Variants in MADD observed in about 807,000 individuals in gnomAD.
MADD encodes the protein MAP kinase-activating death domain protein.
In MADD, 109 loss-of-function variants were observed where a neutral mutation model predicts 176.7. The observed-to-expected ratio is 0.62, with a 90% CI of 0.53 to 0.72. MADD has a LOEUF of 0.72. Ranked by LOEUF, MADD falls within the 30% of genes least tolerant of loss-of-function variation. The pLI is 0.00. For synonymous variants in MADD, 771 were observed against 771.3 expected, an observed-to-expected ratio of 1.00 and a Z score of 0.01; for missense variants, 1,914 against 2,045.5, an observed-to-expected ratio of 0.94 and a Z score of 1.24.
intron 8 of MADD, among the ~76,000 whole-genome samples, chr11:47,281,998 C>G (rs1269438290): frequency 6.6e-6 from 1 of 151,878 alleles, no homozygotes; most frequent in African/African-American, 2.4e-5. Context: ...CCACGCCTGG[C>G]TAATTTTTAC....
In MADD at chr11:47,284,931, C is replaced by A. The variant is rs377090216; in HGVS notation, c.2158-10C>A. On this transcript the variant is annotated splice_polypyrimidine_tract_variant and intron_variant, in intron 12 of 32. Transcript: ENST00000402192. ...CCAGGTAACCACTTTTAATTTCATGCGGCCTTTAGGAACCTGCTGACTCTA... is the reference window on the plus strand; with the variant it reads ...CCAGGTAACCACTTTTAATTTCATGAGGCCTTTAGGAACCTGCTGACTCTA... 5 of 1,612,842 alleles carry A rather than the reference C, an allele frequency of 3.1e-6. No homozygotes were observed. The highest frequency in any genetic ancestry group is 3.3e-5 in the Admixed American group (2 of 59,966).
intron 1 of MADD, chr11:47,271,265 G>A (rs1327087589): frequency 2.0e-5 from 3 of 152,204 alleles, no homozygotes; most frequent in African/African-American, 2.4e-5. Flanking sequence ...TGATGTTAGA[G>A]GATTTAGTCT....
At chr11:47,281,819 TG>T in intron 8 of MADD, 66 bp downstream of exon 8, 1 of 1,193,542 alleles carries the variant, frequency 8.4e-7, no homozygotes, top group Non-Finnish European at 1.1e-6. Flanking sequence ...TAAGGGACCT[TG>T]GGGCAGACTA....
chr11:47,321,789 G>T (rs530518646), intron 27 of MADD, among the ~76,000 whole-genome samples: 1 of 152,054 alleles, frequency 6.6e-6, no homozygotes, highest in Admixed American at 6.6e-5. Context: ...GGAAGGAGTC[G>T]GGCATCAATT....
chr11:47,285,398 C>G, intron 13 of MADD, 53 bp from the exon 14 acceptor site: 1 of 1,610,764 alleles, frequency 6.2e-7, no homozygotes, highest in Non-Finnish European at 8.5e-7. Context: ...GGCCCATACT[C>G]CCAAGATCAG....
In MADD at chr11:47,306,396, A is replaced by G. The variant is rs1208694432; in HGVS notation, c.3643-2195A>G. 2.0e-5 allele frequency among the ~76,000 whole-genome samples: 3 copies of G among 152,230 alleles called. No individual in the cohort carries two copies. The East Asian group carries it at 5.8e-4, about 29-fold the overall frequency. ...CTCCACTTCCAAGATGGCATAGCAC[A>G]GTAGCTGCACAGGCCACAGGGGCTG... On this transcript the variant is annotated intron_variant, in intron 22 of 32. Transcript: ENST00000402192.
At chr11:47,310,329 C>G (rs1337397476) in intron 25 of MADD, among the ~76,000 whole-genome samples, 2 of 150,672 alleles carry the variant, frequency 1.3e-5, no homozygotes, top group Non-Finnish European at 3.0e-5. Flanking sequence ...TTACAGGCAT[C>G]TACCACCATG....
At chr11:47,281,697 T>A in exon 8 of MADD, 10 of 1,613,662 alleles carry the variant, frequency 6.2e-6, no homozygotes, top group Non-Finnish European at 8.5e-6. Flanking sequence ...CACCGTCCAC[T>A]GAATTCAACC....
At chr11:47,270,448 C>G (rs933932022) in intron 1 of MADD, among the ~76,000 whole-genome samples, 10 of 142,748 alleles carry the variant, frequency 7.0e-5, no homozygotes, top group Admixed American at 5.9e-4. Flanking sequence ...GGAGGGGGCT[C>G]AGGCTACTGG....
intron 27 of MADD, among the ~76,000 whole-genome samples, chr11:47,317,053 C>G (rs1314778348): frequency 2.0e-5 from 3 of 152,184 alleles, no homozygotes; most frequent in East Asian, 1.9e-4. Context: ...CTATTTTTCT[C>G]CTTTCTTTCA....
chr11:47,293,646 T>A (rs1274665332), intron 19 of MADD, among the ~76,000 whole-genome samples: 2 of 152,162 alleles, frequency 1.3e-5, no homozygotes, highest in African/African-American at 4.8e-5. Context: ...CAGAATTTTC[T>A]CAGGTTGAGA....
intron 20 of MADD, 84 bp downstream of exon 22, chr11:47,294,067 C>G: frequency 6.2e-6 from 7 of 1,124,002 alleles, no homozygotes; most frequent in Non-Finnish European, 9.2e-6. Context: ...AACAGTCAGA[C>G]AGCCGGGCAC....
At chr11:47,321,598 G>A (rs573837117) in intron 27 of MADD, among the ~76,000 whole-genome samples, 1 of 152,282 alleles carries the variant, frequency 6.6e-6, no homozygotes, top group Admixed American at 6.5e-5. Flanking sequence ...AAGCTCAGGG[G>A]GGGCAGAATA....
intron 15 of MADD, 87 bp from the exon 16 acceptor site, chr11:47,288,881 T>C: frequency 1.0e-6 from 1 of 979,174 alleles, no homozygotes. Context: ...GGGAGAATGC[T>C]CAGATTATCT....
chr11:47,285,313 C>G (rs750067504), intron 13 of MADD, 119 bp downstream of exon 13: 177 of 1,539,968 alleles, frequency 1.1e-4, no homozygotes, highest in Non-Finnish European at 1.5e-4. Flanking sequence ...CCTGCCATCC[C>G]CAGAGGATGG....
At chr11:47,293,612 TTC>T (rs2067392620) in intron 19 of MADD, among the ~76,000 whole-genome samples, 1 of 152,170 alleles carries the variant, frequency 6.6e-6, no homozygotes. Flanking sequence ...CTTGTGGAGC[TTC>T]TCTGTTTTAA....
intron 27 of MADD, among the ~76,000 whole-genome samples, chr11:47,318,203 C>G (rs1277783879): frequency 6.6e-6 from 1 of 152,172 alleles, no homozygotes; most frequent in Non-Finnish European, 1.5e-5. Context: ...GTTTTTAATT[C>G]TGAAACAGAC....
Position 47,285,257 on chromosome 11 carries a change from G to A in MADD, c.2411+63G>A, listed in dbSNP as rs890499108. On this transcript the variant is annotated intron_variant, in intron 13 of 32. Transcript: ENST00000402192. ...AGGACCTCACCTCAGTGGACCCTGG[G>A]CAAGGGTTAATCAGAAAGTCTGAGA... 6 of 1,584,406 alleles carry A rather than the reference G, an allele frequency of 3.8e-6. No homozygotes were observed. The African/African-American group carries it at 6.7e-5, about 18-fold the overall frequency.
chr11:47,279,380 TC>T (rs1318141295), intron 7 of MADD, among the ~76,000 whole-genome samples: 4 of 133,992 alleles, frequency 3.0e-5, no homozygotes, highest in Admixed American at 7.6e-5. Flanking sequence ...ATTTTCTCAG[TC>T]TTTTTTTTTT....
Sources: allele counts gnomAD v4.1 joint callset (sites outside exome capture counted in the v4.1 genomes callset), GRCh38; gene constraint gnomAD v4.1.1; transcripts MANE v1.5; gene names NCBI Gene and HGNC (gene_info 2026-07-23, HGNC 2026-07-21).